CPEB4: variants seen among roughly 807,000 people sequenced by gnomAD.
CPEB4 encodes the protein cytoplasmic polyadenylation element binding protein 4.
A neutral mutation model predicts 72.5 loss-of-function variants in CPEB4; 12 were observed. That is an observed-to-expected ratio of 0.17 (90% CI 0.11 to 0.27). The LOEUF (loss-of-function observed/expected upper bound fraction) is 0.27. CPEB4 is among the 10% of genes least tolerant of loss of function. CPEB4 has a pLI of 1.00. For missense variants in CPEB4, 614 were observed against 908.5 expected, an observed-to-expected ratio of 0.68 and a Z score of 4.17; for synonymous variants, 302 against 326.3, an observed-to-expected ratio of 0.93 and a Z score of 0.80.
chr5:173,920,821 A>T (rs939302949), intron 2 of CPEB4, among the ~76,000 whole-genome samples: 1 of 152,226 alleles, frequency 6.6e-6, no homozygotes, highest in Non-Finnish European at 1.5e-5. Flanking sequence ...GCAGTATTTC[A>T]TATGGAGTAG....
At chr5:173,911,750 G>A (rs1199383022) in intron 2 of CPEB4, among the ~76,000 whole-genome samples, 2 of 130,866 alleles carry the variant, frequency 1.5e-5, no homozygotes, top group Non-Finnish European at 3.1e-5. Flanking sequence ...CACTTAAGCT[G>A]TTGGCTCCTT....
rs183767060 is a variant in CPEB4, at chr5:173,920,234, T to C, written c.1207+9630T>C. Reference sequence around the variant, plus strand: ...TAGTGGAACTCTGAAGGGAAAGCACTTCCATAATCTCTTTGGAATCCAGTT... The same window carrying C: ...TAGTGGAACTCTGAAGGGAAAGCACCTCCATAATCTCTTTGGAATCCAGTT... On this transcript the variant is annotated intron_variant, in intron 2 of 9. Coordinates refer to ENST00000265085, the MANE Select transcript of CPEB4 (RefSeq NM_030627.4). Among the ~76,000 whole-genome samples the C allele has an allele frequency of 1.9e-3, 283 of 152,318 alleles. 2 individuals are homozygous for C. Among genetic ancestry groups the C allele is most frequent in the Admixed American group, 4.9e-3 (75 of 15,296 alleles).
intron 2 of CPEB4, among the ~76,000 whole-genome samples, chr5:173,927,691 C>T (rs1001657358): frequency 1.3e-5 from 2 of 151,886 alleles, no homozygotes; most frequent in Admixed American, 6.6e-5. Flanking sequence ...GCAGAAGAAT[C>T]GCTTGAACCC....
intron 2 of CPEB4, among the ~76,000 whole-genome samples, chr5:173,926,133 A>G (rs375282539): frequency 7.2e-5 from 11 of 152,292 alleles, no homozygotes; most frequent in African/African-American, 2.2e-4. Flanking sequence ...GATACATTTG[A>G]TACTTTTTGG....
chr5:173,893,496 G>T (rs879668600), intron 1 of CPEB4, among the ~76,000 whole-genome samples: 1 of 151,876 alleles, frequency 6.6e-6, no homozygotes, highest in African/African-American at 2.4e-5. Context: ...TTTTAGGAAA[G>T]AAATTTTATA....
intron 2 of CPEB4, among the ~76,000 whole-genome samples, chr5:173,919,351 A>C (rs1756993397): frequency 6.6e-6 from 1 of 152,232 alleles, no homozygotes; most frequent in Non-Finnish European, 1.5e-5. Context: ...TAAGATTTTC[A>C]GACTTTGTCC....
rs1758412588 is a variant in CPEB4 at position 173,957,397 on chromosome 5, A to G, written c.*1260A>G. ...TGTGTAAATCTGTGCAAAGGTACGT[A>G]TGTTTATCTTACTCTTCCTATAAAC... On this transcript the variant is annotated 3_prime_UTR_variant, in exon 10 of 10. Coordinates refer to ENST00000265085, the MANE Select transcript of CPEB4 (RefSeq NM_030627.4). 6.5e-6 allele frequency: 1 copy of G among 152,790 alleles called. No homozygotes were observed. The highest frequency in any genetic ancestry group is 2.1e-4 in the South Asian group (1 of 4,834). The allele number at this position is 152,790 out of a possible 1,614,324, so 9.5% of individuals were successfully genotyped here. A position where few individuals can be genotyped will look rare whatever the true frequency, so the allele number is the denominator to read the frequency against.
rs1581099229 is a variant in CPEB4 at position 173,888,763 on chromosome 5, A to G, written c.-971A>G. Reference sequence around the variant, plus strand: ...AAACCGCCCCTGGGTCCCATGAGGGAAAAAAACCCCGGAGCCGCAGAGAGG... The same window carrying G: ...AAACCGCCCCTGGGTCCCATGAGGGGAAAAAACCCCGGAGCCGCAGAGAGG... On this transcript the variant is annotated 5_prime_UTR_variant, in exon 1 of 10. Transcript: ENST00000265085. The surrounding 1 kb of genome is among the most constrained non-coding windows in gnomAD (Gnocchi z 4.3). The G allele has an allele frequency of 5.3e-6, 2 of 376,850 alleles. No homozygotes were observed. Among genetic ancestry groups the G allele is most frequent in the African/African-American group, 2.1e-5 (1 of 48,090 alleles). 23.3% of individuals were successfully genotyped at this position (376,850 alleles called of 1,614,324 possible).
At chr5:173,902,238 C>T (rs1756261974) in intron 1 of CPEB4, among the ~76,000 whole-genome samples, 1 of 152,100 alleles carries the variant, frequency 6.6e-6, no homozygotes, top group Admixed American at 6.6e-5. Context: ...TTTTCCCTTC[C>T]CTTCTTTACC....
rs1756182063 is a variant in CPEB4 at position 173,900,316 on chromosome 5, A to G, written c.1125+9458A>G. 6.6e-6 allele frequency among the ~76,000 whole-genome samples: 1 copy of G among 152,142 alleles called. No individual in the cohort carries two copies. The highest frequency in any genetic ancestry group is 2.4e-5 in the African/African-American group (1 of 41,446). On this transcript the variant is annotated intron_variant, in intron 1 of 9. Transcript: ENST00000265085. The surrounding 1 kb of genome is among the most constrained non-coding windows in gnomAD (Gnocchi z 4.4). The stretch of plus-strand genomic sequence containing the variant: ...GCTATTCTGGAGGCTGAGGCAGAAT[A>G]ATCACTTGAACCCAGGAGGCAGAGG...
chr5:173,953,390 A>G (rs1758274208), intron 9 of CPEB4, 118 bp downstream of exon 9: 4 of 734,928 alleles, frequency 5.4e-6, no homozygotes, highest in Non-Finnish European at 8.6e-6. Flanking sequence ...TTTTGCCTAT[A>G]GAGTTAATTA....
chr5:173,919,503 G>T (rs544841467), intron 2 of CPEB4, among the ~76,000 whole-genome samples: 4 of 152,258 alleles, frequency 2.6e-5, no homozygotes, highest in South Asian at 4.1e-4. Flanking sequence ...AGTGTCACTT[G>T]GTTTTTCTGT....
chr5:173,926,719 C>G (rs999244880), intron 2 of CPEB4, among the ~76,000 whole-genome samples: 4 of 152,172 alleles, frequency 2.6e-5, no homozygotes, highest in African/African-American at 7.2e-5. Flanking sequence ...ATATTTATAA[C>G]AAAATCAATA....
intron 1 of CPEB4, among the ~76,000 whole-genome samples, chr5:173,895,945 G>T (rs1042920258): frequency 6.6e-6 from 1 of 152,194 alleles, no homozygotes; most frequent in Non-Finnish European, 1.5e-5. Context: ...AATAAATGTG[G>T]TTGTTGCTGG....
intron 5 of CPEB4, among the ~76,000 whole-genome samples, chr5:173,946,886 C>T (rs1023962139): frequency 2.0e-5 from 3 of 152,114 alleles, no homozygotes; most frequent in Non-Finnish European, 4.4e-5. Flanking sequence ...GCTCACACTA[C>T]GTATTCCAAA....
At chr5:173,944,552 A>AT (rs1047904609) in intron 4 of CPEB4, among the ~76,000 whole-genome samples, 1 of 151,562 alleles carries the variant, frequency 6.6e-6, no homozygotes, top group African/African-American at 2.4e-5. Flanking sequence ...ATATTGTTTG[A>AT]TTTTTTTAAA....
chr5:173,923,402 A>G (rs966544), intron 2 of CPEB4, among the ~76,000 whole-genome samples: 33,765 of 152,044 alleles, frequency 0.22, 4,966 homozygotes, highest in Non-Finnish European at 0.31. Flanking sequence ...AAAGTTCTCA[A>G]TCATTTACAC....
intron 3 of CPEB4, among the ~76,000 whole-genome samples, chr5:173,941,917 C>G (rs1757859931): frequency 6.6e-6 from 1 of 152,172 alleles, no homozygotes; most frequent in African/African-American, 2.4e-5. Context: ...AACCTCATCC[C>G]CAGCCAAGTC....
intron 1 of CPEB4, among the ~76,000 whole-genome samples, chr5:173,905,427 AGG>A (rs1010836185): frequency 1.3e-5 from 2 of 151,626 alleles, no homozygotes; most frequent in African/African-American, 4.9e-5. Context: ...CCCGCCTCCC[AGG>A]TTCAAACGAT....
Sources: allele counts gnomAD v4.1 joint callset (sites outside exome capture counted in the v4.1 genomes callset), GRCh38; gene constraint gnomAD v4.1.1; non-coding constraint Gnocchi (gnomAD v3.1); transcripts MANE v1.5; gene names NCBI Gene and HGNC (gene_info 2026-07-23, HGNC 2026-07-21).